DIAPH2: variants seen among roughly 807,000 people sequenced by gnomAD.
DIAPH2 encodes diaphanous related formin 2.
A neutral mutation model predicts 92.7 loss-of-function variants in DIAPH2; 35 were observed. The ratio of observed to expected loss-of-function variants is 0.38; its 90% CI spans 0.29 to 0.50. The LOEUF (loss-of-function observed/expected upper bound fraction) is 0.50. Ranked by LOEUF, DIAPH2 falls within the 20% of genes least tolerant of loss-of-function variation. DIAPH2 has a pLI of 0.94. For missense variants in DIAPH2, 701 were observed against 819.5 expected (o/e 0.86, Z 1.77); for synonymous variants, 301 against 280.4 (o/e 1.07, Z -0.73).
At chrX:97,166,476 T>C (rs2147446730) in intron 22 of DIAPH2, among the ~76,000 whole-genome samples, 1 of 111,652 alleles carries the variant, frequency 9.0e-6, no homozygotes, top group African/African-American at 3.2e-5. Flanking sequence ...AATGCATAAA[T>C]GGGCAAATGA....
intron 4 of DIAPH2, among the ~76,000 whole-genome samples, chrX:96,810,515 T>G (rs1417674765): frequency 7.1e-5 from 8 of 111,896 alleles, no homozygotes; most frequent in Admixed American, 5.7e-4. Flanking sequence ...AGAAGCTCTT[T>G]AGTTTAATTA....
intron 25 of DIAPH2, among the ~76,000 whole-genome samples, chrX:97,413,356 C>T (rs967003253): frequency 1.1e-4 from 12 of 111,232 alleles, no homozygotes; most frequent in Non-Finnish European, 2.3e-4. Context: ...AATTCTACAA[C>T]CCTTCATGCT....
At chrX:97,021,757 A>G (rs1490558151) in intron 17 of DIAPH2, among the ~76,000 whole-genome samples, 1 of 112,106 alleles carries the variant, frequency 8.9e-6, no homozygotes, top group Non-Finnish European at 1.9e-5. Context: ...CATTTGATAA[A>G]GAAACACGCT....
chrX:97,064,017 A>G (rs1359743715), intron 17 of DIAPH2, among the ~76,000 whole-genome samples: 1 of 112,203 alleles, frequency 8.9e-6, no homozygotes, highest in Non-Finnish European at 1.9e-5. Context: ...AATATTCACT[A>G]TCTAGCCTTA....
chrX:97,170,585 G>A (rs952733065), intron 22 of DIAPH2, among the ~76,000 whole-genome samples: 5 of 111,076 alleles, frequency 4.5e-5, no homozygotes, highest in Non-Finnish European at 9.4e-5. Context: ...AGAGAAGGGA[G>A]GAATTGGTAA....
At chrX:97,295,836 A>T (rs978348102) in intron 23 of DIAPH2, among the ~76,000 whole-genome samples, 2 of 107,677 alleles carry the variant, frequency 1.9e-5, no homozygotes, top group African/African-American at 6.8e-5. Flanking sequence ...GGTTCAAGCT[A>T]TTCTCCTGCC....
intron 22 of DIAPH2, among the ~76,000 whole-genome samples, chrX:97,152,531 G>C (rs1350499399): frequency 8.9e-6 from 1 of 112,044 alleles, no homozygotes; most frequent in Non-Finnish European, 1.9e-5. Flanking sequence ...AGGCTGGGAA[G>C]TCCAATATCA....
intron 22 of DIAPH2, among the ~76,000 whole-genome samples, chrX:97,239,141 G>A (rs1055302597): frequency 9.0e-6 from 1 of 111,614 alleles, no homozygotes; most frequent in Non-Finnish European, 1.9e-5. Context: ...TCTTAATATG[G>A]TCTAGACAGT....
intron 23 of DIAPH2, among the ~76,000 whole-genome samples, chrX:97,332,373 A>AT (rs1284947133): frequency 8.9e-6 from 1 of 111,770 alleles, no homozygotes; most frequent in Non-Finnish European, 1.9e-5. Flanking sequence ...AATGCACAGA[A>AT]TTGGCTCTTA....
chrX:97,065,974 T>C (rs1297073976), intron 17 of DIAPH2, among the ~76,000 whole-genome samples: 2 of 112,312 alleles, frequency 1.8e-5, no homozygotes, highest in Non-Finnish European at 3.8e-5. Context: ...GAAAATATTT[T>C]TGTACAGCTT....
chrX:97,253,283 C>T (rs1173494884), intron 23 of DIAPH2, among the ~76,000 whole-genome samples: 1 of 5,120 alleles, frequency 2.0e-4, no homozygotes, highest in African/African-American at 2.8e-4. Flanking sequence ...AAGAGTAGGA[C>T]TCCGTAAAAA....
At chrX:97,467,782 A>G (rs1327747403) in intron 26 of DIAPH2, among the ~76,000 whole-genome samples, 1 of 112,253 alleles carries the variant, frequency 8.9e-6, no homozygotes, top group East Asian at 2.8e-4. Context: ...GGGATACACA[A>G]TTAGATGCTT....
intron 23 of DIAPH2, among the ~76,000 whole-genome samples, chrX:97,268,327 C>A (rs1362063703): frequency 1.8e-5 from 2 of 112,534 alleles, no homozygotes; most frequent in East Asian, 2.8e-4. Flanking sequence ...TTATACTCTA[C>A]CTACTTCCGA....
chrX:97,562,748 G>C (rs1056148906), intron 26 of DIAPH2, among the ~76,000 whole-genome samples: 1 of 111,438 alleles, frequency 9.0e-6, no homozygotes, highest in Admixed American at 9.5e-5. Context: ...AACTAAGGTA[G>C]ATATTAAGGG....
intron 23 of DIAPH2, among the ~76,000 whole-genome samples, chrX:97,298,861 G>A (rs768565897): frequency 1.8e-5 from 2 of 110,255 alleles, no homozygotes; most frequent in South Asian, 7.7e-4. Context: ...CTCGTGATCC[G>A]CCCGCCTCCG....
At chrX:97,587,078 C>T (rs1240335364) in intron 26 of DIAPH2, among the ~76,000 whole-genome samples, 2 of 112,258 alleles carry the variant, frequency 1.8e-5, no homozygotes, top group Non-Finnish European at 3.8e-5. Flanking sequence ...CCCTCTAGCA[C>T]TGTGCCAGGC....
intron 22 of DIAPH2, among the ~76,000 whole-genome samples, chrX:97,223,556 GA>G (rs1322086544): frequency 9.0e-6 from 1 of 111,087 alleles, no homozygotes; most frequent in African/African-American, 3.3e-5. Context: ...AAATATAATT[GA>G]ATATAAGTCA....
At chrX:97,439,649 T>C (rs976315699) in intron 26 of DIAPH2, among the ~76,000 whole-genome samples, 1 of 105,533 alleles carries the variant, frequency 9.5e-6, no homozygotes, top group Non-Finnish European at 1.9e-5. Context: ...CAGGAGGCTG[T>C]GGTGGGAGAA....
At chrX:97,089,537 C>G (rs1008577766) in intron 19 of DIAPH2, among the ~76,000 whole-genome samples, 4 of 110,852 alleles carry the variant, frequency 3.6e-5, no homozygotes, top group Non-Finnish European at 1.9e-5. Flanking sequence ...TATTGGGTCA[C>G]CATATATTGT....
Sources: allele counts gnomAD v4.1 joint callset (sites outside exome capture counted in the v4.1 genomes callset), GRCh38; gene constraint gnomAD v4.1.1; transcripts MANE v1.5; gene names NCBI Gene and HGNC (gene_info 2026-07-23, HGNC 2026-07-21).